Variants in PCDHGA7 observed in about 807,000 individuals in gnomAD.
The protein encoded by PCDHGA7 is protocadherin gamma subfamily A, 7, also known as protocadherin gamma-A7.
PCDHGA7 carries 44 observed loss-of-function variants against 58.3 expected under a neutral mutation model. That is an observed-to-expected ratio of 0.75 (90% confidence interval 0.59 to 0.97). PCDHGA7 has a LOEUF of 0.97. Ranked by LOEUF, PCDHGA7 falls within the 50% of genes least tolerant of loss-of-function variation. The pLI, the probability that PCDHGA7 is intolerant of heterozygous loss-of-function variation, is 0.00. For synonymous variants in PCDHGA7, 516 were observed against 504.2 expected (o/e 1.02, Z -0.31); for missense variants, 1,266 against 1,188.7 (o/e 1.06, Z -0.96).
At chr5:141,428,489 T>C (rs2097142285) in intron 1 of PCDHGA7, 1 of 312,516 alleles carries the variant, frequency 3.2e-6, no homozygotes. Context: ...TCCTGCAATC[T>C]GTATGTTCCC....
intron 1 of PCDHGA7, among the ~76,000 whole-genome samples, chr5:141,469,045 G>C (rs35157158): frequency 1.4e-3 from 207 of 152,234 alleles, no homozygotes; most frequent in Middle Eastern, 0.01. Flanking sequence ...GGGAGGCCAA[G>C]GTGGGAGGAT....
intron 1 of PCDHGA7, among the ~76,000 whole-genome samples, chr5:141,436,884 G>T (rs1041906146): frequency 6.6e-6 from 1 of 152,190 alleles, no homozygotes; most frequent in Non-Finnish European, 1.5e-5. Context: ...AAAAGATGGG[G>T]GAAAGATTTT....
chr5:141,477,932 C>G lies in PCDHGA7; in HGVS notation c.2425-16875C>G, dbSNP rs1193822505. The G allele has an allele frequency of 3.1e-6, 5 of 1,614,040 alleles. No individual in the cohort carries two copies. The highest frequency in any genetic ancestry group is 4.2e-6 in the Non-Finnish European group (5 of 1,180,042). On this transcript the variant is annotated intron_variant, in intron 1 of 3. Transcript: ENST00000518325. This position sits in a 1 kb window ranked among gnomAD's most constrained non-coding sequence, Gnocchi z 4.9. ...CGCGGATGCAGGGCACAATGCCTGG[C>G]TCTCCTACAGTCTCTTGGGATCCCC... is the stretch of plus-strand genomic sequence containing the variant.
intron 1 of PCDHGA7, chr5:141,394,825 T>G: frequency 6.2e-7 from 1 of 1,613,802 alleles, no homozygotes; most frequent in Non-Finnish European, 8.5e-7. Flanking sequence ...ATCCCCGAAG[T>G]CCTGACCGAG....
rs138070043 is a variant in PCDHGA7, at chr5:141,512,950, AAAT to A, written c.*1783_*1785del. 5,271 of 152,332 alleles carry A rather than the reference AAAT, an allele frequency of 0.035. 119 individuals carry two copies. The highest frequency in any genetic ancestry group is 0.075 in the South Asian group (360 of 4,826). The allele number at this position is 152,332 out of a possible 1,614,324, so 9.4% of individuals were successfully genotyped here. On this transcript the variant is annotated 3_prime_UTR_variant, in exon 4 of 4. Coordinates refer to ENST00000518325, the MANE Select transcript of PCDHGA7 (RefSeq NM_018920.4). ...ATATGGCTTTTTTTCTTCGACAAAA[AAAT>A]AATAAAACGTTTCTTCTGAAAAGCT...
rs765185360 is a variant in PCDHGA7, at chr5:141,491,451, C to T, written c.2425-3356C>T. 1.2e-6 allele frequency: 2 copies of T among 1,614,112 alleles called. No individual in the cohort carries two copies. The highest frequency in any genetic ancestry group is 1.1e-5 in the South Asian group (1 of 91,082). On this transcript the variant is annotated intron_variant, in intron 1 of 3. Coordinates refer to ENST00000518325, the MANE Select transcript of PCDHGA7 (RefSeq NM_018920.4). This position sits in a 1 kb window ranked among gnomAD's most constrained non-coding sequence, Gnocchi z 6.9. ...AGTGCTGCAGGCGCCAGGACTCACC[C>T]TCCCCGGACTTCTATAAGCAGTCCA...
Position 141,491,436 on chromosome 5 carries a change from G to A in PCDHGA7, c.2425-3371G>A, listed in dbSNP as rs771884610. ...ACGGGGGTGGAGGGCAGTGCTGCAG[G>A]CGCCAGGACTCACCCTCCCCGGACT... On this transcript the variant is annotated intron_variant, in intron 1 of 3. Coordinates refer to ENST00000518325, the MANE Select transcript of PCDHGA7 (RefSeq NM_018920.4). This position sits in a 1 kb window ranked among gnomAD's most constrained non-coding sequence, Gnocchi z 6.9. 1 of 1,614,070 alleles carries A rather than the reference G, an allele frequency of 6.2e-7. No individual in the cohort carries two copies. The highest frequency in any genetic ancestry group is 8.5e-7 in the Non-Finnish European group (1 of 1,180,034).
At chr5:141,501,901 C>T (rs1595767273) in intron 2 of PCDHGA7, among the ~76,000 whole-genome samples, 1 of 152,070 alleles carries the variant, frequency 6.6e-6, no homozygotes, top group Non-Finnish European at 1.5e-5. Context: ...TGGTTCCAAC[C>T]CCACTGTTCC....
intron 2 of PCDHGA7, among the ~76,000 whole-genome samples, chr5:141,495,223 G>T (rs924599140): frequency 6.6e-6 from 1 of 152,208 alleles, no homozygotes; most frequent in South Asian, 2.1e-4. Flanking sequence ...CCTGAGTTGA[G>T]CTGGGCTCCA....
At chr5:141,455,899 ATTTATTT>A (rs1441561749) in intron 1 of PCDHGA7, among the ~76,000 whole-genome samples, 5 of 148,258 alleles carry the variant, frequency 3.4e-5, no homozygotes, top group African/African-American at 1.2e-4. Context: ...TTATTTATTT[ATTTATTT>A]ATTTATTTTG....
rs143737031 is a variant in PCDHGA7 at position 141,454,359 on chromosome 5, G to C, written c.2425-40448G>C. Among the ~76,000 whole-genome samples, 105 of 152,200 alleles carry C rather than the reference G, an allele frequency of 6.9e-4. No individual in the cohort carries two copies. In the East Asian group the frequency reaches 0.014, roughly 20 times the overall value. ...AATGTTGGAAGTTGATCCAAACTTA[G>C]AAAGGAGTATGGCAACTTGTCAAGA... On this transcript the variant is annotated intron_variant, in intron 1 of 3. Coordinates refer to ENST00000518325, the MANE Select transcript of PCDHGA7 (RefSeq NM_018920.4).
At chr5:141,461,441 T>A (rs959248029) in intron 1 of PCDHGA7, among the ~76,000 whole-genome samples, 7 of 152,194 alleles carry the variant, frequency 4.6e-5, no homozygotes, top group Admixed American at 4.6e-4. Flanking sequence ...TACCTTCTTT[T>A]GAGAAATGGC....
chr5:141,418,576 C>T, intron 1 of PCDHGA7: 2 of 1,614,012 alleles, frequency 1.2e-6, no homozygotes, highest in South Asian at 1.1e-5. Flanking sequence ...ATGACAACCC[C>T]CCAGTGTTCA....
At chr5:141,409,125 A>AT in intron 1 of PCDHGA7, 1 of 1,613,982 alleles carries the variant, frequency 6.2e-7, no homozygotes, top group African/African-American at 1.3e-5. Flanking sequence ...CAGTCATTTG[A>AT]TTTTGAAGAT....
chr5:141,473,147 T>A (rs2099315103), intron 1 of PCDHGA7, among the ~76,000 whole-genome samples: 1 of 152,222 alleles, frequency 6.6e-6, no homozygotes, highest in Admixed American at 6.5e-5. Flanking sequence ...TCTCTTCAGA[T>A]CACTAGGGCT....
chr5:141,485,124 C>T lies in PCDHGA7; in HGVS notation c.2425-9683C>T. The T allele has an allele frequency of 7.2e-7, 1 of 1,390,146 alleles. No individual in the cohort carries two copies. The highest frequency in any genetic ancestry group is 1.0e-6 in the Non-Finnish European group (1 of 990,090). The allele number at this position is 1,390,146 out of a possible 1,614,324, so 86.1% of individuals were successfully genotyped here. ...GCTGCTGTGGCTGTTTGGGGCGGGT[C>T]GGCTTCATCCGCGTCTCAGGAGCAA... On this transcript the variant is annotated intron_variant, in intron 1 of 3. Coordinates refer to ENST00000518325, the MANE Select transcript of PCDHGA7 (RefSeq NM_018920.4). The surrounding 1 kb of genome is among the most constrained non-coding windows in gnomAD (Gnocchi z 5.7).
At chr5:141,388,674 G>A in intron 1 of PCDHGA7, 2 of 1,613,940 alleles carry the variant, frequency 1.2e-6, no homozygotes, top group Non-Finnish European at 8.5e-7. Context: ...GGTGCTACAG[G>A]TGACTGCCAC....
Position 141,385,199 on chromosome 5 carries a change from A to C in PCDHGA7, c.2300A>C (p.His767Pro), listed in dbSNP as rs1185520352. ...CTCACCGCGGACTCTCGGAAGAGTC[A>C]CCTGATCTTCCCCCAGCCCAACTAT... The part of the protein sequence containing the change: ...VSLTADSRKS[H>P]LIFPQPNYVD... The change falls in exon 1 of 4, where the codon CAC becomes CCC. Residue 767 changes from histidine (H) to proline (P), a missense_variant. Coordinates refer to ENST00000518325, the MANE Select transcript of PCDHGA7 (RefSeq NM_018920.4). 1 of 1,614,064 alleles carries C rather than the reference A, an allele frequency of 6.2e-7. No homozygotes were observed. The highest frequency in any genetic ancestry group is 1.3e-5 in the African/African-American group (1 of 74,932).
intron 1 of PCDHGA7, among the ~76,000 whole-genome samples, chr5:141,449,673 G>A (rs7725811): frequency 0.049 from 7,346 of 150,528 alleles, 281 homozygotes; most frequent in African/African-American, 0.1. Flanking sequence ...AAGTGTGTAT[G>A]TATATATGTT....
Sources: allele counts gnomAD v4.1 joint callset (sites outside exome capture counted in the v4.1 genomes callset), GRCh38; gene constraint gnomAD v4.1.1; non-coding constraint Gnocchi (gnomAD v3.1); transcripts MANE v1.5; gene names NCBI Gene and HGNC (gene_info 2026-07-23, HGNC 2026-07-21).